The following TRIR variants were observed in gnomAD, a reference collection of about 807,000 sequenced individuals.
TRIR encodes telomerase RNA component interacting RNase.
Under a neutral mutation model 18.2 loss-of-function variants are expected in TRIR, and 5 were observed. The observed-to-expected ratio is 0.27, with a 90% CI of 0.14 to 0.58. The LOEUF (loss-of-function observed/expected upper bound fraction) is 0.58, where lower values mean the gene tolerates loss of function less well. TRIR is among the 20% of genes least tolerant of loss of function. The pLI, the probability that TRIR is intolerant of heterozygous loss-of-function variation, is 0.91. For missense variants in TRIR, 206 were observed against 252.8 expected, an observed-to-expected ratio of 0.81 and a Z score of 1.25; for synonymous variants, 134 against 114.4, an observed-to-expected ratio of 1.17 and a Z score of -1.10.
At position 12,731,122 on chromosome 19, in the gene TRIR, C is replaced by A; in HGVS notation, c.424-54G>T. ...GGGGTGCCAGGAACCAGGGTCAGGA[C>A]TGCCCTGAGACAGGTGACCCATTCC... On this transcript the variant is annotated intron_variant, in intron 2 of 2. Coordinates refer to ENST00000242784, the MANE Select transcript of TRIR (RefSeq NM_024038.4). The surrounding 1 kb of genome is among the most constrained non-coding windows in gnomAD (Gnocchi z 5.1). 1 of 1,467,198 alleles carries A rather than the reference C, an allele frequency of 6.8e-7. No individual in the cohort carries two copies. Among genetic ancestry groups the A allele is most frequent in the Non-Finnish European group, 9.6e-7 (1 of 1,046,956 alleles). 90.9% of individuals were successfully genotyped at this position (1,467,198 alleles called of 1,614,324 possible).
rs1453851915 is a variant in TRIR at position 12,731,582 on chromosome 19, C to A, written c.346-161G>T. ...CCTGCGCAGCAATCAGAGAGGAGCACACGCGACTCAGCGCCTGCCCTGGGC... is the reference window on the plus strand; with the variant it reads ...CCTGCGCAGCAATCAGAGAGGAGCAAACGCGACTCAGCGCCTGCCCTGGGC... On this transcript the variant is annotated intron_variant, in intron 1 of 2. Coordinates refer to ENST00000242784, the MANE Select transcript of TRIR (RefSeq NM_024038.4). The surrounding 1 kb of genome is among the most constrained non-coding windows in gnomAD (Gnocchi z 5.1). The A allele has an allele frequency of 1.4e-6, 1 of 719,988 alleles. No homozygotes were observed. Among genetic ancestry groups the A allele is most frequent in the East Asian group, 2.7e-5 (1 of 36,524 alleles). The allele number at this position is 719,988 out of a possible 1,614,324, so 44.6% of individuals were successfully genotyped here.
In TRIR at chr19:12,734,566, G is replaced by A; in HGVS notation, c.92C>T (p.Ser31Leu). The part of the protein sequence containing the change: ...GGGGGSRWAE[S>L]GSGTSPESGD... ...GCTCTCGGGCGACGTCCCCGATCCC[G>A]ACTCAGCCCAACGGCTCCCGCCACC... The change falls in exon 1 of 3, where the codon TCG becomes TTG. Residue 31 changes from serine (S) to leucine (L), a missense_variant. By Grantham distance (145) the Ser-to-Leu change is moderately radical. Coordinates refer to ENST00000242784, the MANE Select transcript of TRIR (RefSeq NM_024038.4). The surrounding 1 kb of genome is among the most constrained non-coding windows in gnomAD (Gnocchi z 4.1). 1 of 1,529,062 alleles carries A rather than the reference G, an allele frequency of 6.5e-7. No individual in the cohort carries two copies. 94.7% of individuals were successfully genotyped at this position (1,529,062 alleles called of 1,614,324 possible).
intron 1 of TRIR, among the ~76,000 whole-genome samples, chr19:12,733,928 TA>T (rs895011403): frequency 2.2e-4 from 33 of 152,334 alleles, no homozygotes; most frequent in African/African-American, 7.5e-4. Context: ...CCTTACATAG[TA>T]CGTGGTCTGA....
At position 12,732,712 on chromosome 19, in the gene TRIR, C is replaced by T. The variant is rs556160401; in HGVS notation, c.346-1291G>A. ...TCAAGTGATTCTCCTGCCTCAGCCTCCCGAGTAGCTGGGATTACAGGTATG... is the reference window on the plus strand; with the variant it reads ...TCAAGTGATTCTCCTGCCTCAGCCTTCCGAGTAGCTGGGATTACAGGTATG... On this transcript the variant is annotated intron_variant, in intron 1 of 2. Coordinates refer to ENST00000242784, the MANE Select transcript of TRIR (RefSeq NM_024038.4). Among the ~76,000 whole-genome samples, 6 of 152,164 alleles carry T rather than the reference C, an allele frequency of 3.9e-5. No individual in the cohort carries two copies. The South Asian group carries it at 1.2e-3, about 32-fold the overall frequency.
At position 12,731,259 on chromosome 19, in the gene TRIR, T is replaced by G. The variant is rs1967422250; in HGVS notation, c.423+85A>C. 1 of 1,515,812 alleles carries G rather than the reference T, an allele frequency of 6.6e-7. No individual in the cohort carries two copies. Among genetic ancestry groups the G allele is most frequent in the Admixed American group, 1.7e-5 (1 of 59,740 alleles). The allele number at this position is 1,515,812 out of a possible 1,614,324, so 93.9% of individuals were successfully genotyped here. On this transcript the variant is annotated intron_variant, in intron 2 of 2. Coordinates refer to ENST00000242784, the MANE Select transcript of TRIR (RefSeq NM_024038.4). This position sits in a 1 kb window ranked among gnomAD's most constrained non-coding sequence, Gnocchi z 5.1. Reference sequence around the variant, plus strand: ...CAGGCACACTCATAAAAGGCCTGGATACCAGACAGGGAGGGAGAAGGCTGG... The same window carrying G: ...CAGGCACACTCATAAAAGGCCTGGAGACCAGACAGGGAGGGAGAAGGCTGG...
At chr19:12,732,178 T>C (rs1483784755) in intron 1 of TRIR, among the ~76,000 whole-genome samples, 2 of 146,626 alleles carry the variant, frequency 1.4e-5, no homozygotes, top group African/African-American at 5.0e-5. Flanking sequence ...TTTTCATAGA[T>C]GAGGAAAGTC....
intron 1 of TRIR, among the ~76,000 whole-genome samples, chr19:12,732,850 A>G (rs531935052): frequency 6.6e-6 from 1 of 152,116 alleles, no homozygotes; most frequent in Admixed American, 6.6e-5. Context: ...TCGGCCTCCC[A>G]AAGTGCTGGG....
intron 1 of TRIR, among the ~76,000 whole-genome samples, chr19:12,733,553 C>T (rs1310580431): frequency 6.6e-6 from 1 of 152,158 alleles, no homozygotes; most frequent in Non-Finnish European, 1.5e-5. Flanking sequence ...CACCCCCTCC[C>T]GCAGTTCTGA....
chr19:12,732,756 A>T (rs1347857855), intron 1 of TRIR, among the ~76,000 whole-genome samples: 1 of 151,718 alleles, frequency 6.6e-6, no homozygotes, highest in East Asian at 1.9e-4. Flanking sequence ...TGCCTGGCTA[A>T]TTTTTGTATT....
rs997643356 is a variant in TRIR, at chr19:12,734,525, A to G, written c.133T>C (p.Ser45Pro). ...GACACCGGGCTCGAACCCGCGCCCG[A>G]CACCTCCTCGTCCCCGCTCTCGGGC... ...TSPESGDEEVSGAGSSPVSGG... is the reference protein window; with the variant it reads ...TSPESGDEEVPGAGSSPVSGG... Residue 45 changes from serine (S) to proline (P), a missense_variant, in exon 1 of 3, where the codon TCG becomes CCG. Physicochemically the swap from Ser to Pro is moderately conservative, Grantham distance 74 (BLOSUM62 -1). Transcript: ENST00000242784. The surrounding 1 kb of genome is among the most constrained non-coding windows in gnomAD (Gnocchi z 4.1). The G allele has an allele frequency of 2.6e-6, 4 of 1,534,972 alleles. No individual in the cohort carries two copies. In the African/African-American group the frequency reaches 4.2e-5, roughly 16 times the overall value.
chr19:12,730,766 T>G lies in TRIR; in HGVS notation c.*195A>C. On this transcript the variant is annotated 3_prime_UTR_variant, in exon 3 of 3. Transcript: ENST00000242784. Reference sequence around the variant, plus strand: ...TGAGAAGGGGGGGACAGTAAACCACTGTTCTATGAAGTCTCACGAGGCAAG... The same window carrying G: ...TGAGAAGGGGGGGACAGTAAACCACGGTTCTATGAAGTCTCACGAGGCAAG... The G allele has an allele frequency of 3.3e-6, 2 of 606,202 alleles. No homozygotes were observed. The highest frequency in any genetic ancestry group is 5.8e-5 in the Admixed American group (2 of 34,760). The allele number at this position is 606,202 out of a possible 1,614,324, so 37.6% of individuals were successfully genotyped here.
intron 1 of TRIR, among the ~76,000 whole-genome samples, chr19:12,733,784 G>A (rs1329299164): frequency 1.3e-5 from 2 of 152,184 alleles, no homozygotes; most frequent in Non-Finnish European, 2.9e-5. Flanking sequence ...GGAAAGCAGC[G>A]ATCTTGTCTG....
chr19:12,732,757 T>C (rs1290508872), intron 1 of TRIR, among the ~76,000 whole-genome samples: 1 of 151,950 alleles, frequency 6.6e-6, no homozygotes, highest in African/African-American at 2.4e-5. Flanking sequence ...GCCTGGCTAA[T>C]TTTTGTATTT....
chr19:12,734,349 C>T lies in TRIR; in HGVS notation c.309G>A (p.Pro103=). 2 of 1,459,312 alleles carry T rather than the reference C, an allele frequency of 1.4e-6. No homozygotes were observed. Among genetic ancestry groups the T allele is most frequent in the South Asian group, 1.4e-5 (1 of 72,654 alleles). 90.4% of individuals were successfully genotyped at this position (1,459,312 alleles called of 1,614,324 possible). ...QSAAAAGPGD[P]KRKGGPGSTL... is the part of the protein sequence containing the mutation. The stretch of plus-strand genomic sequence containing the variant: ...TGGAGCCCGGACCGCCCTTCCTCTT[C>T]GGATCCCCGGGGCCAGCGGCGGCGG... The change falls in exon 1 of 3, where the codon CCG becomes CCA. Residue 103 remains proline, a synonymous_variant. Transcript: ENST00000242784. This position sits in a 1 kb window ranked among gnomAD's most constrained non-coding sequence, Gnocchi z 4.1.
Position 12,730,873 on chromosome 19 carries a change from T to C in TRIR, c.*88A>G. The C allele has an allele frequency of 2.4e-6, 3 of 1,250,794 alleles. No homozygotes were observed. In the South Asian group the frequency reaches 3.6e-5, roughly 15 times the overall value. The allele number at this position is 1,250,794 out of a possible 1,614,324, so 77.5% of individuals were successfully genotyped here. On this transcript the variant is annotated 3_prime_UTR_variant, in exon 3 of 3. Coordinates refer to ENST00000242784, the MANE Select transcript of TRIR (RefSeq NM_024038.4). The stretch of plus-strand genomic sequence containing the variant: ...GGTTTCCTTCTGCTTTTAAGTCCTC[T>C]CAGGGAAGGCTGTCGCCGCTGCCGC...
At position 12,730,928 on chromosome 19, in the gene TRIR, A is replaced by G; in HGVS notation, c.*33T>C. The stretch of plus-strand genomic sequence containing the variant: ...TTAAATAGTTATGTACATCGCAGAG[A>G]GTCCCAGGCCATGGGCAGGTGGGGG... On this transcript the variant is annotated 3_prime_UTR_variant, in exon 3 of 3. Coordinates refer to ENST00000242784, the MANE Select transcript of TRIR (RefSeq NM_024038.4). 1.3e-6 allele frequency: 2 copies of G among 1,566,962 alleles called. No homozygotes were observed. The highest frequency in any genetic ancestry group is 1.8e-6 in the Non-Finnish European group (2 of 1,137,354).
In TRIR at chr19:12,731,087, G is replaced by A; in HGVS notation, c.424-19C>T. ...TTAATACCTGTGGAAAGGGGATACG[G>A]GTTAGGACGGGGGTGCCAGGAACCA... On this transcript the variant is annotated intron_variant, in intron 2 of 2. Coordinates refer to ENST00000242784, the MANE Select transcript of TRIR (RefSeq NM_024038.4). The surrounding 1 kb of genome is among the most constrained non-coding windows in gnomAD (Gnocchi z 5.1). 6.3e-7 allele frequency: 1 copy of A among 1,598,780 alleles called. No individual in the cohort carries two copies. The highest frequency in any genetic ancestry group is 8.6e-7 in the Non-Finnish European group (1 of 1,166,404).
rs1967408927 is a variant in TRIR at position 12,730,669 on chromosome 19, C to G, written c.*292G>C. The G allele has an allele frequency of 2.1e-6, 1 of 486,838 alleles. No homozygotes were observed. Among genetic ancestry groups the G allele is most frequent in the Non-Finnish European group, 3.7e-6 (1 of 267,532 alleles). 30.2% of individuals were successfully genotyped at this position (486,838 alleles called of 1,614,324 possible). A position where few individuals can be genotyped will look rare whatever the true frequency, so the allele number is the denominator to read the frequency against. On this transcript the variant is annotated 3_prime_UTR_variant, in exon 3 of 3. Coordinates refer to ENST00000242784, the MANE Select transcript of TRIR (RefSeq NM_024038.4). ...GCACTAAGTCAAGTTCTTTACTTCC[C>G]AGAAGTGATGGCTAAGGGGAGGGAG...
Position 12,734,213 on chromosome 19 carries a change from G to A in TRIR, c.345+100C>T. On this transcript the variant is annotated intron_variant, in intron 1 of 2. Coordinates refer to ENST00000242784, the MANE Select transcript of TRIR (RefSeq NM_024038.4). The surrounding 1 kb of genome is among the most constrained non-coding windows in gnomAD (Gnocchi z 4.1). ...GTGACCCGGACGGGCCCCTCATTCA[G>A]AACGGAAAGTGGACTTCGGTCCCGA... is the stretch of plus-strand genomic sequence containing the variant. The A allele has an allele frequency of 8.3e-7, 1 of 1,204,724 alleles. No homozygotes were observed. Among genetic ancestry groups the A allele is most frequent in the South Asian group, 1.8e-5 (1 of 56,002 alleles). 74.6% of individuals were successfully genotyped at this position (1,204,724 alleles called of 1,614,324 possible). A position where few individuals can be genotyped will look rare whatever the true frequency, so the allele number is the denominator to read the frequency against.
Sources: allele counts gnomAD v4.1 joint callset (sites outside exome capture counted in the v4.1 genomes callset), GRCh38; gene constraint gnomAD v4.1.1; non-coding constraint Gnocchi (gnomAD v3.1); transcripts MANE v1.5; gene names NCBI Gene and HGNC (gene_info 2026-07-23, HGNC 2026-07-21).